Variants in GRM5 observed in about 807,000 individuals in gnomAD.
The protein encoded by GRM5 is metabotropic glutamate receptor 5.
A neutral mutation model predicts 83.1 loss-of-function variants in GRM5; 19 were observed. The ratio of observed to expected loss-of-function variants is 0.23; its 90% confidence interval spans 0.16 to 0.34. The LOEUF (loss-of-function observed/expected upper bound fraction) is 0.34, where lower values mean the gene tolerates loss of function less well. Among genes scored for constraint, GRM5 ranks in the 10% least tolerant of loss-of-function variants. The pLI, the probability that GRM5 is intolerant of heterozygous loss-of-function variation, is 1.00. For synonymous variants in GRM5, 675 were observed against 633.6 expected, an observed-to-expected ratio of 1.07 and a Z score of -0.98; for missense variants, 1,160 against 1,588.3, an observed-to-expected ratio of 0.73 and a Z score of 4.58.
At chr11:88,600,903 C>A (rs1937968567) in intron 5 of GRM5, among the ~76,000 whole-genome samples, 1 of 152,110 alleles carries the variant, frequency 6.6e-6, no homozygotes, top group African/African-American at 2.4e-5. Context: ...GCATAATAAG[C>A]CCTGGTCCAT....
intron 3 of GRM5, among the ~76,000 whole-genome samples, chr11:88,654,322 T>G (rs1193888595): frequency 2.0e-5 from 3 of 152,038 alleles, no homozygotes; most frequent in Non-Finnish European, 2.9e-5. Context: ...ATAAAAGGCA[T>G]GAAAAGATGT....
Position 88,508,868 on chromosome 11 carries a change from G to A in GRM5, c.3363C>T (p.Ile1121=), listed in dbSNP as rs1194702399. 12 of 1,584,324 alleles carry A rather than the reference G, an allele frequency of 7.6e-6. No homozygotes were observed. The highest frequency in any genetic ancestry group is 3.6e-5 in the Admixed American group (2 of 56,070). The change falls in exon 10 of 10, where the codon ATC becomes ATT. Residue 1121 remains isoleucine (I), a synonymous_variant. Coordinates refer to ENST00000305447, the MANE Select transcript of GRM5 (RefSeq NM_001143831.3). The surrounding 1 kb of genome is among the most constrained non-coding windows in gnomAD (Gnocchi z 4.2). ...TFAEIQPLPA[I]EVTGGAQPAA... is the part of the protein sequence containing the mutation. ...CGGGCTGCGCGCCTCCCGTGACTTC[G>A]ATGGCCGGCAGAGGCTGGATTTCGG...
At chr11:88,521,707 C>A (rs1941695547) in intron 9 of GRM5, among the ~76,000 whole-genome samples, 1 of 151,874 alleles carries the variant, frequency 6.6e-6, no homozygotes. Context: ...TATATTCAGA[C>A]ATGAGGTTAA....
At chr11:88,838,084 CAAAAAAAAAAAAA>C (rs1157680177) in intron 3 of GRM5, among the ~76,000 whole-genome samples, 5 of 55,444 alleles carry the variant, frequency 9.0e-5, no homozygotes, top group African/African-American at 2.4e-4. Context: ...GACTCCATCT[CAAAAAAAAAAAAA>C]AAAAAAAAAA....
chr11:88,843,569 A>G (rs941937473), intron 3 of GRM5, among the ~76,000 whole-genome samples: 1 of 152,190 alleles, frequency 6.6e-6, no homozygotes, highest in Non-Finnish European at 1.5e-5. Flanking sequence ...GAGACACAAC[A>G]GTATTGAAAT....
At chr11:89,009,942 T>G (rs1361811526) in intron 2 of GRM5, among the ~76,000 whole-genome samples, 5 of 62,604 alleles carry the variant, frequency 8.0e-5, no homozygotes, top group Admixed American at 3.6e-4. Flanking sequence ...ACACACAAAA[T>G]CAAAATGTTT....
intron 3 of GRM5, among the ~76,000 whole-genome samples, chr11:88,704,765 A>AT (rs960137795): frequency 1.3e-5 from 2 of 151,228 alleles, no homozygotes; most frequent in African/African-American, 2.4e-5. Context: ...TTCATGGAGG[A>AT]TTTTTTTTTC....
At chr11:89,060,967 T>A (rs1185429282) in intron 1 of GRM5, among the ~76,000 whole-genome samples, 1 of 152,172 alleles carries the variant, frequency 6.6e-6, no homozygotes, top group Non-Finnish European at 1.5e-5. Context: ...TTTCTCTGAA[T>A]ATGAATATAA....
At chr11:88,989,591 A>C (rs1222047863) in intron 2 of GRM5, among the ~76,000 whole-genome samples, 1 of 139,116 alleles carries the variant, frequency 7.2e-6, no homozygotes, top group African/African-American at 2.8e-5. Context: ...CCTATTCCAA[A>C]ATTGACCACA....
chr11:88,984,033 GTTA>G (rs945000416), intron 2 of GRM5, among the ~76,000 whole-genome samples: 1 of 152,112 alleles, frequency 6.6e-6, no homozygotes, highest in Non-Finnish European at 1.5e-5. Flanking sequence ...GTTTAAAGCT[GTTA>G]TTATGATAAT....
At chr11:88,731,045 A>G (rs1159777245) in intron 3 of GRM5, among the ~76,000 whole-genome samples, 1 of 152,230 alleles carries the variant, frequency 6.6e-6, no homozygotes, top group East Asian at 1.9e-4. Context: ...ACCATTCTGG[A>G]TAGTAGTTAC....
chr11:88,795,203 T>C (rs1943254466), intron 3 of GRM5, among the ~76,000 whole-genome samples: 1 of 152,212 alleles, frequency 6.6e-6, no homozygotes, highest in South Asian at 2.1e-4. Flanking sequence ...GAAAGGGCCT[T>C]TAATTCACAA....
chr11:89,044,229 C>T (rs1941594541), intron 2 of GRM5, among the ~76,000 whole-genome samples: 1 of 152,172 alleles, frequency 6.6e-6, no homozygotes, highest in East Asian at 1.9e-4. Flanking sequence ...TATTCCTTTC[C>T]TCTGCCCAGT....
rs200298073 is a variant in GRM5, at chr11:88,849,971, C to T, written c.846G>A (p.Thr282=). Residue 282 remains threonine (T), a synonymous_variant, in exon 3 of 10, where the codon ACG becomes ACA. Transcript: ENST00000305447. ...TCATGGCCATCAGCAGACCTCTCACCGTCATGCCCTCACAGAAGCAGGCCA... is the reference window on the plus strand; with the variant it reads ...TCATGGCCATCAGCAGACCTCTCACTGTCATGCCCTCACAGAAGCAGGCCA... ...RVVACFCEGM[T]VRGLLMAMRR... is the part of the protein sequence containing the mutation. 45 of 1,613,974 alleles carry T rather than the reference C, an allele frequency of 2.8e-5. No homozygotes were observed. The East Asian group carries it at 8.5e-4, about 30-fold the overall frequency.
intron 3 of GRM5, among the ~76,000 whole-genome samples, chr11:88,735,348 A>G (rs182110361): frequency 2.6e-5 from 4 of 152,214 alleles, no homozygotes; most frequent in Admixed American, 2.6e-4. Flanking sequence ...AAAATGAAAT[A>G]AAACGAGTTT....
intron 4 of GRM5, among the ~76,000 whole-genome samples, chr11:88,625,463 A>G (rs781429470): frequency 6.6e-6 from 1 of 152,142 alleles, no homozygotes; most frequent in Non-Finnish European, 1.5e-5. Flanking sequence ...CTTAGAAAAG[A>G]AGTATTTGGT....
chr11:88,704,645 T>C (rs1241589170), intron 3 of GRM5, among the ~76,000 whole-genome samples: 2 of 152,124 alleles, frequency 1.3e-5, no homozygotes, highest in African/African-American at 4.8e-5. Context: ...CATGCCTGCC[T>C]TTCTTCCATC....
At chr11:88,649,060 TATATATTATAATATATAATAC>T (rs1343843113) in intron 4 of GRM5, among the ~76,000 whole-genome samples, 15 of 145,154 alleles carry the variant, frequency 1.0e-4, no homozygotes, top group Non-Finnish European at 2.0e-4. Context: ...ATATATAATA[TATATATTATAATATATAATAC>T]ATATATTAAA....
chr11:88,744,964 T>G (rs529082547), intron 3 of GRM5, among the ~76,000 whole-genome samples: 17 of 152,276 alleles, frequency 1.1e-4, no homozygotes, highest in African/African-American at 4.1e-4. Context: ...TGACATTGAT[T>G]GAAGAGAGAG....
Sources: gnomAD v4.1 joint callset for allele counts (sites outside exome capture counted in the v4.1 genomes callset) on GRCh38, gnomAD v4.1.1 for gene constraint, Gnocchi (gnomAD v3.1) non-coding constraint, MANE v1.5 for transcripts, NCBI Gene and HGNC (gene_info 2026-07-23, HGNC 2026-07-21) for gene names.